Variants in PARD3 observed in about 807,000 individuals in gnomAD.
PARD3 encodes par-3 family cell polarity regulator, also known as partitioning defective 3 homolog.
In PARD3, 75 loss-of-function variants were observed where a neutral mutation model predicts 155.4. That is an observed-to-expected ratio of 0.48 (90% CI 0.40 to 0.58). The LOEUF is 0.58. Among genes scored for constraint, PARD3 ranks in the 20% least tolerant of loss-of-function variants. The probability of loss-of-function intolerance (pLI) is 0.00; values close to 1 mark genes in which losing one functional copy is unlikely to be tolerated. For synonymous variants in PARD3, 576 were observed against 610.5 expected (o/e 0.94, Z 0.83); for missense variants, 1,642 against 1,721.7 (o/e 0.95, Z 0.82).
intron 2 of PARD3, among the ~76,000 whole-genome samples, chr10:34,571,316 AAAC>A (rs1590060109): frequency 2.0e-5 from 3 of 152,204 alleles, no homozygotes; most frequent in East Asian, 1.9e-4. Flanking sequence ...CCCGTCTTAA[AAAC>A]AACAAGACAA....
intron 3 of PARD3, among the ~76,000 whole-genome samples, chr10:34,481,814 A>G (rs2079097536): frequency 6.6e-6 from 1 of 152,082 alleles, no homozygotes; most frequent in Admixed American, 6.5e-5. Context: ...AAATCACTCT[A>G]AAGTGAATCC....
At chr10:34,316,639 C>A (rs1357049382) in intron 20 of PARD3, among the ~76,000 whole-genome samples, 1 of 152,090 alleles carries the variant, frequency 6.6e-6, no homozygotes, top group Non-Finnish European at 1.5e-5. Context: ...CAAAAAAGAA[C>A]AAACACTGCT....
At chr10:34,505,390 A>G (rs2080993690) in intron 3 of PARD3, among the ~76,000 whole-genome samples, 1 of 152,230 alleles carries the variant, frequency 6.6e-6, no homozygotes, top group South Asian at 2.1e-4. Context: ...CAGTGGGGAA[A>G]TCTTTTGTGT....
chr10:34,486,005 C>G (rs1440412942), intron 3 of PARD3, among the ~76,000 whole-genome samples: 2 of 144,364 alleles, frequency 1.4e-5, no homozygotes, highest in Admixed American at 7.2e-5. Context: ...ATCACTGCAT[C>G]CTTGAACTCC....
intron 22 of PARD3, among the ~76,000 whole-genome samples, chr10:34,246,545 A>G (rs1276171790): frequency 6.6e-6 from 1 of 151,980 alleles, no homozygotes; most frequent in Non-Finnish European, 1.5e-5. Flanking sequence ...TAGACAGATG[A>G]CCTGAGAGGA....
At chr10:34,344,376 G>A in intron 15 of PARD3, 1 of 748,902 alleles carries the variant, frequency 1.3e-6, no homozygotes. Flanking sequence ...TCTGCCTCCT[G>A]GGTTTAAGCA....
rs527899638 is a variant in PARD3, at chr10:34,135,895, C to T, written c.3420-4312G>A. Among the ~76,000 whole-genome samples the T allele has an allele frequency of 2.0e-5, 3 of 152,328 alleles. No homozygotes were observed. The South Asian group carries it at 6.2e-4, about 32-fold the overall frequency. ...TCAGAACATACTGCAGGTATATGGA[C>T]AACACTCTGAAGATAATGCCTGCAG... On this transcript the variant is annotated intron_variant, in intron 22 of 24. Transcript: ENST00000374788.
intron 22 of PARD3, among the ~76,000 whole-genome samples, chr10:34,252,924 T>C (rs1229945553): frequency 6.6e-6 from 1 of 152,152 alleles, no homozygotes; most frequent in African/African-American, 2.4e-5. Flanking sequence ...GTTTCAGTTA[T>C]AAATGGGTAG....
intron 5 of PARD3, among the ~76,000 whole-genome samples, chr10:34,442,355 G>T (rs1461841114): frequency 6.6e-6 from 1 of 152,106 alleles, no homozygotes; most frequent in Non-Finnish European, 1.5e-5. Flanking sequence ...GCTCTTCCAC[G>T]GTTTAATGCT....
intron 12 of PARD3, among the ~76,000 whole-genome samples, chr10:34,362,983 A>G (rs949421667): frequency 6.6e-6 from 1 of 152,242 alleles, no homozygotes; most frequent in African/African-American, 2.4e-5. Flanking sequence ...ATCAGTACTT[A>G]TAAGCATGGA....
chr10:34,169,547 T>A (rs1448678531), intron 22 of PARD3, among the ~76,000 whole-genome samples: 2 of 152,112 alleles, frequency 1.3e-5, no homozygotes, highest in Admixed American at 6.5e-5. Context: ...TCCTCCTCAC[T>A]ACTAGGGACC....
chr10:34,706,179 C>A (rs1164436297), intron 1 of PARD3, among the ~76,000 whole-genome samples: 2 of 152,216 alleles, frequency 1.3e-5, no homozygotes, highest in African/African-American at 4.8e-5. Context: ...AAAATGCATT[C>A]ATGTGCATTA....
chr10:34,547,602 T>C (rs1564831635), intron 2 of PARD3, among the ~76,000 whole-genome samples: 1 of 152,114 alleles, frequency 6.6e-6, no homozygotes, highest in South Asian at 2.1e-4. Flanking sequence ...GAAGGCAGGG[T>C]AGTGGATAGT....
rs1838156533 is a variant in PARD3, at chr10:34,766,747, C to T, written c.120+48129G>A. 2.0e-5 allele frequency among the ~76,000 whole-genome samples: 3 copies of T among 151,768 alleles called. No individual in the cohort carries two copies. The South Asian group carries it at 6.2e-4, about 32-fold the overall frequency. ...GGAAAAAATTCAAGGGACTCCCTGA[C>T]TCAAAAGGACCTACCGTCAGACAAC... On this transcript the variant is annotated intron_variant, in intron 1 of 24. Transcript: ENST00000374788.
chr10:34,510,444 C>T (rs1271335427), intron 3 of PARD3, among the ~76,000 whole-genome samples: 4 of 152,098 alleles, frequency 2.6e-5, no homozygotes, highest in African/African-American at 7.2e-5. Context: ...AAAAGCAAAA[C>T]GTTACATATT....
At chr10:34,647,491 G>A (rs1201671124) in intron 2 of PARD3, among the ~76,000 whole-genome samples, 3 of 152,128 alleles carry the variant, frequency 2.0e-5, no homozygotes, top group Admixed American at 6.6e-5. Flanking sequence ...CAGTAACAAC[G>A]AAAACGTTAA....
At chr10:34,365,210 G>A (rs1839844593) in intron 12 of PARD3, among the ~76,000 whole-genome samples, 1 of 152,310 alleles carries the variant, frequency 6.6e-6, no homozygotes, top group African/African-American at 2.4e-5. Flanking sequence ...TTTTAACTGT[G>A]AGGATATTGT....
chr10:34,601,799 T>C (rs1385433719), intron 2 of PARD3, among the ~76,000 whole-genome samples: 1 of 152,238 alleles, frequency 6.6e-6, no homozygotes, highest in Non-Finnish European at 1.5e-5. Context: ...TTCCATTCTG[T>C]CATTCTACAT....
At chr10:34,615,755 A>G (rs916327852) in intron 2 of PARD3, among the ~76,000 whole-genome samples, 2 of 152,238 alleles carry the variant, frequency 1.3e-5, no homozygotes, top group Non-Finnish European at 2.9e-5. Flanking sequence ...CAAAAACCAA[A>G]TAATCCAATT....
Sources: allele counts gnomAD v4.1 joint callset (sites outside exome capture counted in the v4.1 genomes callset), GRCh38; gene constraint gnomAD v4.1.1; transcripts MANE v1.5; gene names NCBI Gene and HGNC (gene_info 2026-07-23, HGNC 2026-07-21).